RAD51C: variants seen among roughly 807,000 people sequenced by gnomAD.
RAD51C encodes DNA repair protein RAD51 homolog 3.
RAD51C carries 42 observed loss-of-function variants against 45.0 expected under a neutral mutation model. The observed-to-expected ratio is 0.93, with a 90% confidence interval of 0.73 to 1.21. The LOEUF (loss-of-function observed/expected upper bound fraction) is 1.21, where lower values mean the gene tolerates loss of function less well. Among genes scored for constraint, RAD51C ranks in the 50% most tolerant of loss-of-function variants. RAD51C has a pLI of 0.00. For synonymous variants in RAD51C, 172 were observed against 159.8 expected, an observed-to-expected ratio of 1.08 and a Z score of -0.58; for missense variants, 474 against 452.2, an observed-to-expected ratio of 1.05 and a Z score of -0.44.
At chr17:58,693,038 T>C (rs2047840344) in intron 1 of RAD51C, 1 of 532,516 alleles carries the variant, frequency 1.9e-6, no homozygotes, top group African/African-American at 1.9e-5. Flanking sequence ...TTGAGGATTG[T>C]CTCATTTAAC....
chr17:58,721,426 G>C (rs899790783), intron 6 of RAD51C, among the ~76,000 whole-genome samples: 2 of 152,140 alleles, frequency 1.3e-5, no homozygotes, highest in Non-Finnish European at 2.9e-5. Flanking sequence ...AGAATGTAGT[G>C]CTTCAAGATT....
intron 5 of RAD51C, among the ~76,000 whole-genome samples, chr17:58,719,773 G>C (rs1456537229): frequency 6.9e-6 from 1 of 145,122 alleles, no homozygotes; most frequent in East Asian, 2.0e-4. Context: ...CTGTTGCCCA[G>C]GCTGGAGTGC....
intron 7 of RAD51C, among the ~76,000 whole-genome samples, chr17:58,725,690 A>G (rs1347641001): frequency 2.0e-5 from 3 of 152,100 alleles, no homozygotes; most frequent in African/African-American, 7.2e-5. Context: ...ATCCTTCCCA[A>G]GAAATTAGAA....
intron 5 of RAD51C, among the ~76,000 whole-genome samples, chr17:58,713,252 A>C (rs989880929): frequency 6.6e-6 from 1 of 152,086 alleles, no homozygotes; most frequent in Non-Finnish European, 1.5e-5. Context: ...TTCCATGTAC[A>C]CTACTTATAA....
At chr17:58,719,696 A>C (rs2048848840) in intron 5 of RAD51C, among the ~76,000 whole-genome samples, 1 of 151,548 alleles carries the variant, frequency 6.6e-6, no homozygotes, top group African/African-American at 2.4e-5. Context: ...TCATATTTTC[A>C]GGTAACTACA....
intron 5 of RAD51C, among the ~76,000 whole-genome samples, chr17:58,719,632 T>G (rs910774242): frequency 9.9e-5 from 15 of 152,148 alleles, no homozygotes; most frequent in Admixed American, 9.8e-4. Flanking sequence ...CTGGGCAACA[T>G]AGCAAGACCC....
chr17:58,728,114 G>A (rs1377483014), intron 7 of RAD51C, among the ~76,000 whole-genome samples: 1 of 151,380 alleles, frequency 6.6e-6, no homozygotes, highest in African/African-American at 2.4e-5. Context: ...GCATGGTGGC[G>A]GGCACCTGTA....
At chr17:58,695,389 TG>T (rs2047968766) in intron 2 of RAD51C, 200 bp downstream of exon 2, 1 of 1,334,226 alleles carries the variant, frequency 7.5e-7, no homozygotes, top group Non-Finnish European at 9.7e-7. Flanking sequence ...TATTCTGATG[TG>T]AAAAAGTGTT....
chr17:58,724,148 C>G (rs1276294256), intron 7 of RAD51C, 48 bp downstream of exon 7: 1 of 1,522,706 alleles, frequency 6.6e-7, no homozygotes, highest in Non-Finnish European at 9.1e-7. Flanking sequence ...GTTAATTATA[C>G]TGAATGAACA....
chr17:58,696,460 T>C (rs964563015), intron 2 of RAD51C, among the ~76,000 whole-genome samples: 2 of 152,006 alleles, frequency 1.3e-5, no homozygotes, highest in Non-Finnish European at 2.9e-5. Flanking sequence ...AAATAAAATA[T>C]CCTTAATCTT....
At chr17:58,721,247 A>C (rs1415554366) in intron 6 of RAD51C, among the ~76,000 whole-genome samples, 1 of 152,048 alleles carries the variant, frequency 6.6e-6, no homozygotes, top group South Asian at 2.1e-4. Context: ...GTGCATCTGC[A>C]CTCCAGCCTG....
intron 4 of RAD51C, among the ~76,000 whole-genome samples, chr17:58,705,346 G>C (rs574962822): frequency 6.1e-5 from 9 of 147,438 alleles, no homozygotes; most frequent in Admixed American, 2.0e-4. Context: ...CTTTTTTTTG[G>C]GGGGGGGGTG....
intron 4 of RAD51C, 176 bp from the exon 5 acceptor site, chr17:58,709,683 A>T: frequency 1.8e-6 from 1 of 565,208 alleles, no homozygotes; most frequent in Non-Finnish European, 3.1e-6. Context: ...ATTAATTGAC[A>T]CCTCCTTTCC....
In RAD51C at chr17:58,692,740, C is replaced by A. The variant is rs587782528; in HGVS notation, c.97C>A (p.Gln33Lys). The A allele has an allele frequency of 6.2e-7, 1 of 1,614,258 alleles. No individual in the cohort carries two copies. Among genetic ancestry groups the A allele is most frequent in the Non-Finnish European group, 8.5e-7 (1 of 1,180,044 alleles). Residue 33 changes from glutamine to lysine, a missense_variant, in exon 1 of 9, where the codon CAG (glutamine) becomes AAG (lysine). Transcript: ENST00000337432. Reference sequence around the variant, plus strand: ...GGTGAAGCTGGTGTCTGCGGGGTTCCAGACTGCTGAGGAACTCCTAGAGGT... The same window carrying A: ...GGTGAAGCTGGTGTCTGCGGGGTTCAAGACTGCTGAGGAACTCCTAGAGGT... ...VRVKLVSAGFQTAEELLEVKP... is the reference protein window; with the variant it reads ...VRVKLVSAGFKTAEELLEVKP...
chr17:58,700,910 T>C (rs8071942), intron 3 of RAD51C, among the ~76,000 whole-genome samples: 22,361 of 152,124 alleles, frequency 0.15, 2,544 homozygotes, highest in East Asian at 0.31. Flanking sequence ...TATTTTACTT[T>C]TTGTGAAACA....
intron 5 of RAD51C, among the ~76,000 whole-genome samples, chr17:58,714,284 C>G (rs1000563668): frequency 1.3e-5 from 2 of 151,766 alleles, no homozygotes; most frequent in South Asian, 2.1e-4. Context: ...CACAGCTAGT[C>G]TAGAATAAAT....
chr17:58,730,379 G>A (rs1027215313), intron 7 of RAD51C, among the ~76,000 whole-genome samples: 4 of 146,254 alleles, frequency 2.7e-5, no homozygotes, highest in African/African-American at 7.6e-5. Flanking sequence ...GGGTTTCACC[G>A]TGTTGGCCAG....
At chr17:58,730,914 TC>T (rs957922303) in intron 7 of RAD51C, among the ~76,000 whole-genome samples, 6 of 152,196 alleles carry the variant, frequency 3.9e-5, no homozygotes, top group African/African-American at 1.4e-4. Context: ...ATACTGAAAC[TC>T]TGTACCCATT....
intron 7 of RAD51C, among the ~76,000 whole-genome samples, chr17:58,728,276 T>C (rs962575358): frequency 1.3e-5 from 2 of 151,632 alleles, no homozygotes; most frequent in African/African-American, 4.8e-5. Flanking sequence ...AAATTTTGTA[T>C]GCTTTATGCT....
Sources: allele counts gnomAD v4.1 joint callset (sites outside exome capture counted in the v4.1 genomes callset), GRCh38; gene constraint gnomAD v4.1.1; transcripts MANE v1.5; gene names NCBI Gene and HGNC (gene_info 2026-07-23, HGNC 2026-07-21).